The following CAMTA1 variants were observed in gnomAD, a reference collection of about 807,000 sequenced individuals.
The protein encoded by CAMTA1 is calmodulin binding transcription activator 1.
Under a neutral mutation model 170.9 loss-of-function variants are expected in CAMTA1, and 27 were observed. The observed-to-expected ratio is 0.16, with a 90% confidence interval of 0.12 to 0.22. CAMTA1 has a LOEUF of 0.22. Among genes scored for constraint, CAMTA1 ranks in the 10% least tolerant of loss-of-function variants. CAMTA1 has a pLI of 1.00. For missense variants in CAMTA1, 1,619 were observed against 2,217.2 expected, an observed-to-expected ratio of 0.73 and a Z score of 5.42; for synonymous variants, 833 against 891.5, an observed-to-expected ratio of 0.93 and a Z score of 1.17.
Position 7,435,893 on chromosome 1 carries a change from T to C in CAMTA1, c.439-31937T>C, listed in dbSNP as rs963846859. On this transcript the variant is annotated intron_variant, in intron 5 of 22. Transcript: ENST00000303635. This position sits in a 1 kb window ranked among gnomAD's most constrained non-coding sequence, Gnocchi z 4.4. ...TCACAGCATGACCCAGGGGCCTGGCTGTGCTGCACCCTGGGGAAGATACTG... is the reference window on the plus strand; with the variant it reads ...TCACAGCATGACCCAGGGGCCTGGCCGTGCTGCACCCTGGGGAAGATACTG... Among the ~76,000 whole-genome samples the C allele has an allele frequency of 7.9e-5, 12 of 152,106 alleles. No homozygotes were observed. The highest frequency in any genetic ancestry group is 2.4e-4 in the African/African-American group (10 of 41,432).
intron 5 of CAMTA1, among the ~76,000 whole-genome samples, chr1:7,340,582 C>T (rs2083749429): frequency 6.7e-6 from 1 of 149,840 alleles, no homozygotes; most frequent in Non-Finnish European, 1.5e-5. Flanking sequence ...TCCTTCCATC[C>T]TTCCATCCTT....
chr1:7,665,343 T>G lies in CAMTA1; in HGVS notation c.2652+144T>G. ...CAAAGATGATGCTTTCCCCTCCTTG[T>G]GTCCCCACGGCGCTTGAACACCTCC... On this transcript the variant is annotated intron_variant, in intron 9 of 22. Transcript: ENST00000303635. The surrounding 1 kb of genome is among the most constrained non-coding windows in gnomAD (Gnocchi z 4.3). 1 of 596,456 alleles carries G rather than the reference T, an allele frequency of 1.7e-6. No individual in the cohort carries two copies. Among genetic ancestry groups the G allele is most frequent in the Non-Finnish European group, 2.5e-6 (1 of 393,006 alleles). 36.9% of individuals were successfully genotyped at this position (596,456 alleles called of 1,614,324 possible). A position where few individuals can be genotyped will look rare whatever the true frequency, so the allele number is the denominator to read the frequency against.
intron 3 of CAMTA1, among the ~76,000 whole-genome samples, chr1:7,082,843 C>T (rs1309863863): frequency 2.0e-5 from 3 of 152,160 alleles, no homozygotes; most frequent in Admixed American, 1.3e-4. Context: ...ACACATCGTC[C>T]GTGCTGCTAA....
In CAMTA1 at chr1:7,665,945, A is replaced by C. The variant is rs2095997353; in HGVS notation, c.2652+746A>C. Reference sequence around the variant, plus strand: ...CACTTTGGGAGGCCAAGGTGGGTGGATCACCTGAGGTCAGGAGTTCGAGAC... The same window carrying C: ...CACTTTGGGAGGCCAAGGTGGGTGGCTCACCTGAGGTCAGGAGTTCGAGAC... On this transcript the variant is annotated intron_variant, in intron 9 of 22. Coordinates refer to ENST00000303635, the MANE Select transcript of CAMTA1 (RefSeq NM_015215.4). The surrounding 1 kb of genome is among the most constrained non-coding windows in gnomAD (Gnocchi z 4.3). Among the ~76,000 whole-genome samples, 1 of 152,076 alleles carries C rather than the reference A, an allele frequency of 6.6e-6. No individual in the cohort carries two copies. The highest frequency in any genetic ancestry group is 1.5e-5 in the Non-Finnish European group (1 of 67,998).
At chr1:6,867,269 A>G (rs1184697615) in intron 3 of CAMTA1, among the ~76,000 whole-genome samples, 1 of 152,144 alleles carries the variant, frequency 6.6e-6, no homozygotes, top group Non-Finnish European at 1.5e-5. Flanking sequence ...GGAAAAAAAA[A>G]GTTACATTAT....
chr1:6,795,502 T>C (rs570517736), intron 1 of CAMTA1, among the ~76,000 whole-genome samples: 1 of 152,276 alleles, frequency 6.6e-6, no homozygotes, highest in African/African-American at 2.4e-5. Context: ...GCCTAAAAAA[T>C]ATTATTTCTA....
At chr1:6,922,739 G>A (rs1682289548) in intron 3 of CAMTA1, among the ~76,000 whole-genome samples, 1 of 152,150 alleles carries the variant, frequency 6.6e-6, no homozygotes, top group Admixed American at 6.5e-5. Flanking sequence ...GAGGAGAATT[G>A]GCCTCCACTT....
chr1:7,403,718 C>T (rs557847289), intron 5 of CAMTA1, among the ~76,000 whole-genome samples: 2 of 152,282 alleles, frequency 1.3e-5, no homozygotes, highest in South Asian at 4.1e-4. Context: ...CAGCACTGCA[C>T]CTGGGACCAT....
chr1:7,135,565 T>C (rs1335014535), intron 4 of CAMTA1, among the ~76,000 whole-genome samples: 5 of 152,096 alleles, frequency 3.3e-5, no homozygotes, highest in Non-Finnish European at 7.4e-5. Context: ...TGTAGGCATC[T>C]TCCTCCCACC....
rs571954660 is a variant in CAMTA1 at position 7,720,570 on chromosome 1, C to T, written c.2915-11878C>T. Among the ~76,000 whole-genome samples, 5 of 152,158 alleles carry T rather than the reference C, an allele frequency of 3.3e-5. No homozygotes were observed. The East Asian group carries it at 5.8e-4, about 18-fold the overall frequency. ...CTAAATTTTGTATTTTTAGTAGAGACGGGGTTCACCACATTGGCCAGGCTG... is the reference window on the plus strand; with the variant it reads ...CTAAATTTTGTATTTTTAGTAGAGATGGGGTTCACCACATTGGCCAGGCTG... On this transcript the variant is annotated intron_variant, in intron 11 of 22. Transcript: ENST00000303635.
chr1:6,908,504 C>T (rs749749025), intron 3 of CAMTA1, among the ~76,000 whole-genome samples: 1 of 152,210 alleles, frequency 6.6e-6, no homozygotes, highest in Non-Finnish European at 1.5e-5. Flanking sequence ...GAACTGGCAA[C>T]GCGATCACCT....
intron 11 of CAMTA1, among the ~76,000 whole-genome samples, chr1:7,699,455 T>C (rs1290179885): frequency 6.6e-6 from 1 of 152,232 alleles, no homozygotes; most frequent in East Asian, 1.9e-4. Context: ...GCAGCATGTA[T>C]CAGTACTTCA....
chr1:6,950,407 A>G (rs1257861841), intron 3 of CAMTA1, among the ~76,000 whole-genome samples: 2 of 152,148 alleles, frequency 1.3e-5, no homozygotes, highest in Non-Finnish European at 2.9e-5. Flanking sequence ...GGGACTTTGA[A>G]TGGTGGAAAA....
chr1:7,130,763 CAACT>C (rs1361510413), intron 4 of CAMTA1, among the ~76,000 whole-genome samples: 1 of 152,166 alleles, frequency 6.6e-6, no homozygotes, highest in Non-Finnish European at 1.5e-5. Context: ...ATAATCTCTC[CAACT>C]GTTTGTCTGT....
intron 6 of CAMTA1, among the ~76,000 whole-genome samples, chr1:7,605,444 G>A (rs1486099050): frequency 1.3e-5 from 2 of 152,210 alleles, no homozygotes; most frequent in Non-Finnish European, 1.5e-5. Context: ...TGCTGTGCTA[G>A]CAATGAGCGA....
Position 6,785,544 on chromosome 1 carries a change from A to AG in CAMTA1, c.18dup (p.Lys7GlufsTer20). ...AGGAGGAGGAGGATGTGGCGCGCGGAGGGGAAATGGCTGCCGAAAACAAGC... is the reference window on the plus strand; with the variant it reads ...AGGAGGAGGAGGATGTGGCGCGCGGAGGGGGAAATGGCTGCCGAAAACAAGC... On this transcript the variant is annotated frameshift_variant, in exon 1 of 23. Transcript: ENST00000303635. LOFTEE classifies it high-confidence loss of function. 1 of 1,073,068 alleles carries AG rather than the reference A, an allele frequency of 9.3e-7. No individual in the cohort carries two copies. Among genetic ancestry groups the AG allele is most frequent in the Non-Finnish European group, 1.1e-6 (1 of 871,788 alleles). The allele number at this position is 1,073,068 out of a possible 1,614,324, so 66.5% of individuals were successfully genotyped here.
At chr1:7,460,242 A>G (rs1370609485) in intron 5 of CAMTA1, among the ~76,000 whole-genome samples, 1 of 152,202 alleles carries the variant, frequency 6.6e-6, no homozygotes, top group Admixed American at 6.5e-5. Context: ...CACCTGGCCA[A>G]TTCCCTCTCA....
chr1:7,472,747 T>C (rs758743612), intron 6 of CAMTA1, among the ~76,000 whole-genome samples: 3 of 151,928 alleles, frequency 2.0e-5, no homozygotes, highest in Non-Finnish European at 4.4e-5. Context: ...GGCACAGGGG[T>C]GCCATCACCC....
At chr1:7,295,296 T>C (rs1673771990) in intron 5 of CAMTA1, among the ~76,000 whole-genome samples, 1 of 152,184 alleles carries the variant, frequency 6.6e-6, no homozygotes, top group Non-Finnish European at 1.5e-5. Context: ...CGGCCCTGTC[T>C]CCTACATTGC....
Sources: allele counts gnomAD v4.1 joint callset (sites outside exome capture counted in the v4.1 genomes callset), GRCh38; gene constraint gnomAD v4.1.1; non-coding constraint Gnocchi (gnomAD v3.1); transcripts MANE v1.5; gene names NCBI Gene and HGNC (gene_info 2026-07-23, HGNC 2026-07-21).